SHTN1: variants seen among roughly 807,000 people sequenced by gnomAD.
SHTN1 encodes the protein shootin 1.
SHTN1 carries 42 observed loss-of-function variants against 83.1 expected under a neutral mutation model. That is an observed-to-expected ratio of 0.51 (90% CI 0.39 to 0.65). SHTN1 has a LOEUF of 0.65. SHTN1 is among the 30% of genes least tolerant of loss of function. The pLI is 0.00. For synonymous variants in SHTN1, 224 were observed against 247.7 expected (o/e 0.90, Z 0.90); for missense variants, 622 against 737.8 (o/e 0.84, Z 1.82).
chr10:116,994,146 A>G (rs929557250), intron 1 of SHTN1, among the ~76,000 whole-genome samples: 1 of 152,168 alleles, frequency 6.6e-6, no homozygotes, highest in African/African-American at 2.4e-5. Context: ...CAAAGTTTAC[A>G]AGTAAAATAA....
intron 8 of SHTN1, among the ~76,000 whole-genome samples, chr10:116,941,440 C>A (rs965965296): frequency 6.6e-6 from 1 of 152,150 alleles, no homozygotes; most frequent in Non-Finnish European, 1.5e-5. Flanking sequence ...TTTCTATTTA[C>A]CTGTTATTTC....
intron 2 of SHTN1, among the ~76,000 whole-genome samples, chr10:117,042,314 G>A (rs1461673380): frequency 6.6e-6 from 1 of 152,034 alleles, no homozygotes; most frequent in Non-Finnish European, 1.5e-5. Context: ...GAATGTCTGT[G>A]GTGGATCTCA....
At chr10:117,122,010 C>T (rs528699414) in intron 1 of SHTN1, among the ~76,000 whole-genome samples, 40 of 151,704 alleles carry the variant, frequency 2.6e-4, no homozygotes, top group Non-Finnish European at 4.3e-4. Flanking sequence ...CCAGCCTGGG[C>T]GACACAGCAA....
chr10:116,923,627 C>A (rs766554870), intron 11 of SHTN1, among the ~76,000 whole-genome samples: 1 of 151,944 alleles, frequency 6.6e-6, no homozygotes, highest in Non-Finnish European at 1.5e-5. Flanking sequence ...ACAGTCACCA[C>A]TCATTGCAGC....
chr10:117,084,813 T>C (rs1429470236), intron 1 of SHTN1, among the ~76,000 whole-genome samples: 3 of 152,204 alleles, frequency 2.0e-5, no homozygotes, highest in East Asian at 1.9e-4. Context: ...GTGCCGTCCG[T>C]CACCCCTTTC....
At chr10:117,064,783 G>A (rs1344647727) in intron 1 of SHTN1, among the ~76,000 whole-genome samples, 1 of 152,096 alleles carries the variant, frequency 6.6e-6, no homozygotes, top group Non-Finnish European at 1.5e-5. Flanking sequence ...AAGAAAGCCA[G>A]CGATCTAAAT....
chr10:117,005,461 C>T (rs1851987284), upstream of SHTN1: 6 of 1,038,758 alleles, frequency 5.8e-6, no homozygotes, highest in Admixed American at 5.7e-5. Context: ...CTCCCGGACT[C>T]AGGGACGCGA....
chr10:117,105,973 C>T (rs1022293932), intron 1 of SHTN1, among the ~76,000 whole-genome samples: 1 of 151,970 alleles, frequency 6.6e-6, no homozygotes, highest in Admixed American at 6.6e-5. Flanking sequence ...ATGTTCACGC[C>T]ACTGCACTCC....
chr10:117,010,421 G>A (rs546559800), upstream of SHTN1, among the ~76,000 whole-genome samples: 110 of 151,774 alleles, frequency 7.2e-4, 2 homozygotes, highest in South Asian at 0.022. Context: ...ATTAAAAAAA[G>A]AAAAGAAAAG....
chr10:116,996,127 T>C (rs1261961533), intron 1 of SHTN1, among the ~76,000 whole-genome samples: 1 of 152,210 alleles, frequency 6.6e-6, no homozygotes, highest in Non-Finnish European at 1.5e-5. Flanking sequence ...TAAACTGGTC[T>C]TACTGATTCT....
At chr10:116,914,849 G>T (rs187550534) in intron 13 of SHTN1, among the ~76,000 whole-genome samples, 51 of 152,264 alleles carry the variant, frequency 3.3e-4, no homozygotes, top group African/African-American at 1.2e-3. Flanking sequence ...AAGTGACTTG[G>T]AAAACATTTG....
At chr10:117,114,682 C>T (rs761720642) in intron 1 of SHTN1, among the ~76,000 whole-genome samples, 2 of 152,186 alleles carry the variant, frequency 1.3e-5, no homozygotes, top group Non-Finnish European at 2.9e-5. Context: ...CTTCAGCTCA[C>T]ATTAGAGCAG....
At chr10:117,024,515 T>C (rs1852304460) in intron 2 of SHTN1, among the ~76,000 whole-genome samples, 3 of 151,708 alleles carry the variant, frequency 2.0e-5, no homozygotes, top group African/African-American at 4.8e-5. Flanking sequence ...CCACCACGCC[T>C]GGCTAATTTT....
intron 9 of SHTN1, among the ~76,000 whole-genome samples, chr10:116,935,774 A>G (rs1382916609): frequency 2.0e-5 from 3 of 152,090 alleles, no homozygotes; most frequent in Admixed American, 6.5e-5. Context: ...GGTAGAAATC[A>G]GCTGTGAATC....
intron 4 of SHTN1, among the ~76,000 whole-genome samples, chr10:116,957,286 T>C (rs1176688416): frequency 6.7e-6 from 1 of 148,800 alleles, no homozygotes; most frequent in Non-Finnish European, 1.5e-5. Flanking sequence ...AGATGGAGTC[T>C]CTCTGTCACC....
intron 2 of SHTN1, among the ~76,000 whole-genome samples, chr10:117,035,120 A>AAAC (rs776586404): frequency 2.6e-5 from 4 of 152,112 alleles, no homozygotes; most frequent in Non-Finnish European, 5.9e-5. Flanking sequence ...GGTCCTGGCA[A>AAAC]AACAACAACA....
At chr10:117,012,999 T>C (rs1433313429) in intron 2 of SHTN1, among the ~76,000 whole-genome samples, 2 of 152,134 alleles carry the variant, frequency 1.3e-5, no homozygotes, top group Non-Finnish European at 2.9e-5. Context: ...TGGAGGATTT[T>C]GAGCCTAGAA....
At chr10:117,071,514 T>C (rs373159694) in intron 1 of SHTN1, among the ~76,000 whole-genome samples, 3 of 152,328 alleles carry the variant, frequency 2.0e-5, no homozygotes, top group African/African-American at 7.2e-5. Flanking sequence ...TAGCCCAAGA[T>C]CACATAGCTA....
chr10:117,107,375 T>A (rs1853685386), intron 1 of SHTN1, among the ~76,000 whole-genome samples: 1 of 152,162 alleles, frequency 6.6e-6, no homozygotes, highest in Non-Finnish European at 1.5e-5. Context: ...CAAAGCAGTT[T>A]CTGTACATCT....
Sources: gnomAD v4.1 joint callset for allele counts (sites outside exome capture counted in the v4.1 genomes callset) on GRCh38, gnomAD v4.1.1 for gene constraint, MANE v1.5 for transcripts, NCBI Gene and HGNC (gene_info 2026-07-23, HGNC 2026-07-21) for gene names.